Variants in TTLL5 observed in about 807,000 individuals in gnomAD.
The protein encoded by TTLL5 is tubulin tyrosine ligase like 5.
A neutral mutation model predicts 168.4 loss-of-function variants in TTLL5; 132 were observed. The ratio of observed to expected loss-of-function variants is 0.78; its 90% CI spans 0.68 to 0.91. The LOEUF (loss-of-function observed/expected upper bound fraction) is 0.91, where lower values mean the gene tolerates loss of function less well. Among genes scored for constraint, TTLL5 ranks in the 40% least tolerant of loss-of-function variants. The probability of loss-of-function intolerance (pLI) is 0.00; values close to 1 mark genes in which losing one functional copy is unlikely to be tolerated. For synonymous variants in TTLL5, 546 were observed against 558.6 expected (o/e 0.98, Z 0.32); for missense variants, 1,545 against 1,581.5 (o/e 0.98, Z 0.39).
At chr14:75,886,400 A>G (rs1486557190) in intron 30 of TTLL5, among the ~76,000 whole-genome samples, 1 of 152,192 alleles carries the variant, frequency 6.6e-6, no homozygotes, top group East Asian at 1.9e-4. Flanking sequence ...AACGAAACCC[A>G]CTGTCCCTAC....
chr14:75,886,080 A>AGACACAACTAAT (rs1238761701), intron 30 of TTLL5, among the ~76,000 whole-genome samples: 2 of 152,234 alleles, frequency 1.3e-5, no homozygotes, highest in African/African-American at 2.4e-5. Context: ...TCGCCTCAAG[A>AGACACAACTAAT]GACACAACTA....
At chr14:75,701,534 C>T (rs1482244280) in intron 7 of TTLL5, among the ~76,000 whole-genome samples, 1 of 152,204 alleles carries the variant, frequency 6.6e-6, no homozygotes. Flanking sequence ...GTGAGAAGCA[C>T]TCCCCTTCCA....
At chr14:75,732,492 A>C in intron 13 of TTLL5, 73 bp downstream of exon 13, 1 of 1,308,004 alleles carries the variant, frequency 7.6e-7, no homozygotes, top group Non-Finnish European at 1.1e-6. Context: ...TTTTTTGATC[A>C]TTTCTCTTGG....
intron 31 of TTLL5, chr14:75,906,583 C>T (rs1056229532): frequency 2.0e-6 from 2 of 985,720 alleles, no homozygotes; most frequent in Non-Finnish European, 2.4e-6. Flanking sequence ...AAGTTATTTT[C>T]GCCACATCCA....
chr14:75,880,171 A>T (rs567591723), intron 29 of TTLL5, among the ~76,000 whole-genome samples: 1 of 152,216 alleles, frequency 6.6e-6, no homozygotes, highest in South Asian at 2.1e-4. Context: ...GTACATACAT[A>T]TATAGATATA....
At chr14:75,941,892 T>C (rs2034618802) in intron 31 of TTLL5, among the ~76,000 whole-genome samples, 1 of 139,932 alleles carries the variant, frequency 7.1e-6, no homozygotes. Context: ...CTATGAGTCA[T>C]AGGATTTCAT....
chr14:75,665,695 C>T (rs1376340711), intron 2 of TTLL5, among the ~76,000 whole-genome samples: 1 of 152,038 alleles, frequency 6.6e-6, no homozygotes, highest in African/African-American at 2.4e-5. Context: ...CCTGTCTCTA[C>T]TAAAATACAA....
rs1891482401 is a variant in TTLL5, at chr14:75,773,781, T to C, written c.2137-1703T>C. ...AGTGCGCACCTATAGTCCCAGCTAC[T>C]TGGGAGGCTGAGGCAGGAGAATTGC... On this transcript the variant is annotated intron_variant, in intron 21 of 31. Transcript: ENST00000298832. 2.0e-5 allele frequency among the ~76,000 whole-genome samples: 3 copies of C among 150,546 alleles called. No individual in the cohort carries two copies. The South Asian group carries it at 6.3e-4, about 32-fold the overall frequency.
intron 17 of TTLL5, among the ~76,000 whole-genome samples, chr14:75,748,403 G>A (rs570889188): frequency 6.6e-6 from 1 of 151,592 alleles, no homozygotes; most frequent in Admixed American, 6.6e-5. Flanking sequence ...TGTATTTACT[G>A]TGTGTTTATA....
chr14:75,667,263 T>G (rs557618781), intron 2 of TTLL5, among the ~76,000 whole-genome samples: 1 of 152,368 alleles, frequency 6.6e-6, no homozygotes, highest in Admixed American at 6.5e-5. Context: ...ATCCATTGTT[T>G]ATAAATGCTA....
At chr14:75,897,861 T>C (rs1323919978) in intron 30 of TTLL5, among the ~76,000 whole-genome samples, 1 of 152,212 alleles carries the variant, frequency 6.6e-6, no homozygotes, top group Admixed American at 6.5e-5. Flanking sequence ...AGTAAGCTTC[T>C]TACTCTCAAC....
intron 31 of TTLL5, among the ~76,000 whole-genome samples, chr14:75,926,533 C>G (rs1004760421): frequency 6.6e-6 from 1 of 152,002 alleles, no homozygotes. Flanking sequence ...ATAGACATTT[C>G]TCCAAAAAAG....
chr14:75,935,432 A>G (rs910143183), intron 31 of TTLL5, among the ~76,000 whole-genome samples: 10 of 152,216 alleles, frequency 6.6e-5, no homozygotes, highest in Non-Finnish European at 1.2e-4. Context: ...AGAGAGGAAG[A>G]AGCTGTTTCC....
At chr14:75,775,700 C>T (rs761443676) in intron 22 of TTLL5, 70 bp downstream of exon 22, 21 of 1,549,072 alleles carry the variant, frequency 1.4e-5, no homozygotes, top group Non-Finnish European at 1.8e-5. Context: ...AGATAGAAGC[C>T]TCTGTCCAAC....
At chr14:75,743,828 A>T (rs535055405) in intron 15 of TTLL5, among the ~76,000 whole-genome samples, 1 of 151,686 alleles carries the variant, frequency 6.6e-6, no homozygotes, top group Non-Finnish European at 1.5e-5. Context: ...TGATCTGCCC[A>T]CCTTGGCCTC....
chr14:75,908,744 AATT>A (rs887950878), intron 31 of TTLL5, among the ~76,000 whole-genome samples: 1 of 152,068 alleles, frequency 6.6e-6, no homozygotes, highest in African/African-American at 2.4e-5. Context: ...TCAGAGGGCT[AATT>A]ATATTAACTA....
intron 31 of TTLL5, among the ~76,000 whole-genome samples, chr14:75,907,745 T>G (rs1002517718): frequency 1.8e-4 from 28 of 152,246 alleles, no homozygotes; most frequent in African/African-American, 6.5e-4. Context: ...TTTTGGTAAT[T>G]CTTAGCCAAT....
At chr14:75,667,095 TTACTC>T (rs1324731331) in intron 2 of TTLL5, among the ~76,000 whole-genome samples, 2 of 152,200 alleles carry the variant, frequency 1.3e-5, no homozygotes, top group Admixed American at 6.5e-5. Flanking sequence ...ACCTTACTGT[TTACTC>T]TCTCTTTTAT....
In TTLL5 at chr14:75,732,413, T is replaced by G. The variant is rs1212598041; in HGVS notation, c.1118T>G (p.Leu373Trp). The change falls in exon 13 of 32, where the codon TTG becomes TGG. Residue 373 changes from leucine (L) to tryptophan (W), a missense_variant. Physicochemically the swap from Leu to Trp is moderately conservative, Grantham distance 61. Transcript: ENST00000298832. ...TTGGAAGTGAATCTCTCTCCTTCTT[T>G]GGCCTGGTAAGTCAGTTCCATCAAC... is the stretch of plus-strand genomic sequence containing the variant. ...WLLEVNLSPSLACDAPLDLKI... is the reference protein window; with the variant it reads ...WLLEVNLSPSWACDAPLDLKI... 6.2e-7 allele frequency: 1 copy of G among 1,613,836 alleles called. No homozygotes were observed. The highest frequency in any genetic ancestry group is 1.1e-5 in the South Asian group (1 of 91,066).
Sources: gnomAD v4.1 joint callset for allele counts (sites outside exome capture counted in the v4.1 genomes callset) on GRCh38, gnomAD v4.1.1 for gene constraint, MANE v1.5 for transcripts, NCBI Gene and HGNC (gene_info 2026-07-23, HGNC 2026-07-21) for gene names.